The following GABRG3 variants were observed in gnomAD, a reference collection of about 807,000 sequenced individuals.
GABRG3 encodes gamma-aminobutyric acid type A receptor subunit gamma3.
A neutral mutation model predicts 48.8 loss-of-function variants in GABRG3; 25 were observed. The observed-to-expected ratio is 0.51, with a 90% CI of 0.37 to 0.72. The LOEUF (loss-of-function observed/expected upper bound fraction) is 0.72. GABRG3 is among the 30% of genes least tolerant of loss of function. The pLI, the probability that GABRG3 is intolerant of heterozygous loss-of-function variation, is 0.00. For missense variants in GABRG3, 394 were observed against 577.9 expected (o/e 0.68, Z 3.26); for synonymous variants, 227 against 217.6 (o/e 1.04, Z -0.38).
At chr15:27,503,002 A>G (rs1890679237) in intron 6 of GABRG3, among the ~76,000 whole-genome samples, 1 of 152,166 alleles carries the variant, frequency 6.6e-6, no homozygotes, top group Non-Finnish European at 1.5e-5. Flanking sequence ...ACTTTATTAC[A>G]TAGGCATGGC....
chr15:27,468,194 A>G (rs578071123), intron 5 of GABRG3, among the ~76,000 whole-genome samples: 1 of 152,354 alleles, frequency 6.6e-6, no homozygotes, highest in South Asian at 2.1e-4. Context: ...TACAGTGAAA[A>G]TACAGAGATT....
At chr15:27,340,877 C>A in intron 5 of GABRG3, 1 of 362,736 alleles carries the variant, frequency 2.8e-6, no homozygotes, top group Admixed American at 3.2e-5. Flanking sequence ...TATGCTACAT[C>A]TTTCATGGTT....
At chr15:27,430,854 G>T (rs1888427063) in intron 5 of GABRG3, among the ~76,000 whole-genome samples, 1 of 152,008 alleles carries the variant, frequency 6.6e-6, no homozygotes, top group Non-Finnish European at 1.5e-5. Flanking sequence ...GCTGGGTGTG[G>T]TGGCAGGCGC....
intron 5 of GABRG3, among the ~76,000 whole-genome samples, chr15:27,442,681 T>G (rs1888826734): frequency 6.6e-6 from 1 of 152,246 alleles, no homozygotes; most frequent in African/African-American, 2.4e-5. Flanking sequence ...GTCTTCTAGT[T>G]TTCTTCCTCC....
In GABRG3 at chr15:27,214,486, T is replaced by C. The variant is rs571943337; in HGVS notation, c.271-112323T>C. Among the ~76,000 whole-genome samples the C allele has an allele frequency of 6.6e-5, 10 of 152,234 alleles. No individual in the cohort carries two copies. The East Asian group carries it at 1.9e-3, about 30-fold the overall frequency. ...AGGGCGATAGCCTCTGACTTAACTT[T>C]TCAGTTTTGGGTAAGCTACGTATGA... On this transcript the variant is annotated intron_variant, in intron 3 of 9. Transcript: ENST00000615808.
intron 5 of GABRG3, among the ~76,000 whole-genome samples, chr15:27,451,701 AC>A (rs1334809226): frequency 2.0e-5 from 3 of 152,220 alleles, no homozygotes; most frequent in African/African-American, 7.2e-5. Flanking sequence ...ATTATATCAA[AC>A]TAAAAACCTG....
chr15:27,211,726 T>C (rs572895674), intron 3 of GABRG3, among the ~76,000 whole-genome samples: 52 of 152,354 alleles, frequency 3.4e-4, no homozygotes, highest in Non-Finnish European at 5.3e-4. Flanking sequence ...TCCACCTCTC[T>C]GTGGAGCCAG....
rs1896073376 is a variant in GABRG3, at chr15:27,388,274, GGTA to G, written c.574+59387_574+59389del. ...GGAAGGAAGGAAAGGAGGGAGGGAGGGTAAGGAAGGAAGGAAGAAAAGAAGGAA... is the reference window on the plus strand; with the variant it reads ...GGAAGGAAGGAAAGGAGGGAGGGAGGAGGAAGGAAGGAAGAAAAGAAGGAA... On this transcript the variant is annotated intron_variant, in intron 5 of 9. Transcript: ENST00000615808. Among the ~76,000 whole-genome samples, 8 of 58,720 alleles carry G rather than the reference GGTA, an allele frequency of 1.4e-4. 2 individuals are homozygous for G. The highest frequency in any genetic ancestry group is 1.7e-3 in the East Asian group (2 of 1,162). The allele number at this position is 58,720 out of a possible 152,430, so 38.5% of individuals were successfully genotyped here.
chr15:27,226,638 A>G (rs1041796285), intron 3 of GABRG3, among the ~76,000 whole-genome samples: 5 of 151,702 alleles, frequency 3.3e-5, no homozygotes, highest in Non-Finnish European at 7.3e-5. Flanking sequence ...TCCCCCAGCA[A>G]ACGGGCACTA....
At chr15:27,166,876 G>T (rs1319278732) in intron 3 of GABRG3, among the ~76,000 whole-genome samples, 3 of 152,116 alleles carry the variant, frequency 2.0e-5, no homozygotes, top group African/African-American at 7.2e-5. Context: ...TGTCTCTTCT[G>T]GCCTGAAACC....
At chr15:26,979,784 T>C (rs1414566271) in intron 2 of GABRG3, among the ~76,000 whole-genome samples, 2 of 150,908 alleles carry the variant, frequency 1.3e-5, no homozygotes, top group African/African-American at 5.0e-5. Context: ...TTTGTTAATA[T>C]TTTGTTAAGG....
At position 27,270,913 on chromosome 15, in the gene GABRG3, A is replaced by C. The variant is rs192805857; in HGVS notation, c.271-55896A>C. ...AAAAGGTGATGCACCATGATTCACT[A>C]TCCAGGACCAAACATTATAAGGGGA... On this transcript the variant is annotated intron_variant, in intron 3 of 9. Transcript: ENST00000615808. 4.8e-3 allele frequency among the ~76,000 whole-genome samples: 727 copies of C among 152,302 alleles called. 9 individuals carry two copies. Among genetic ancestry groups the C allele is most frequent in the African/African-American group, 0.017 (689 of 41,562 alleles).
Position 27,441,130 on chromosome 15 carries a change from G to A in GABRG3, c.575-39520G>A, listed in dbSNP as rs540566172. ...TATACAAAGGTACAGCAAAAAATAG[G>A]GCAGATACTTCTAATTTGTCTTGAG... On this transcript the variant is annotated intron_variant, in intron 5 of 9. Transcript: ENST00000615808. Among the ~76,000 whole-genome samples the A allele has an allele frequency of 3.9e-5, 6 of 152,190 alleles. No individual in the cohort carries two copies. In the East Asian group the frequency reaches 1.2e-3, roughly 29 times the overall value.
chr15:27,400,635 C>T (rs997615611), intron 5 of GABRG3, among the ~76,000 whole-genome samples: 10 of 152,132 alleles, frequency 6.6e-5, no homozygotes, highest in African/African-American at 2.2e-4. Context: ...AGCTGTATAA[C>T]CCCATTATTC....
At chr15:27,385,646 A>T (rs1895899928) in intron 5 of GABRG3, among the ~76,000 whole-genome samples, 1 of 152,090 alleles carries the variant, frequency 6.6e-6, no homozygotes, top group Non-Finnish European at 1.5e-5. Flanking sequence ...ATCAGCTCAA[A>T]TCTGCTGTTG....
intron 3 of GABRG3, among the ~76,000 whole-genome samples, chr15:27,190,816 G>T (rs1024333598): frequency 2.6e-5 from 4 of 152,040 alleles, no homozygotes; most frequent in African/African-American, 9.7e-5. Flanking sequence ...TAATTGTGAT[G>T]TTAGGGTGTC....
At chr15:27,383,014 T>G (rs988456477) in intron 5 of GABRG3, among the ~76,000 whole-genome samples, 2 of 152,122 alleles carry the variant, frequency 1.3e-5, no homozygotes, top group African/African-American at 4.8e-5. Context: ...TTTTACAGCC[T>G]TGAACTGGAT....
chr15:27,158,548 T>G (rs774446070), intron 3 of GABRG3, among the ~76,000 whole-genome samples: 9 of 152,220 alleles, frequency 5.9e-5, no homozygotes, highest in Non-Finnish European at 1.0e-4. Context: ...TAGCAGTAAT[T>G]AAAAGGAATT....
At chr15:27,167,041 G>A (rs911502250) in intron 3 of GABRG3, among the ~76,000 whole-genome samples, 1 of 152,102 alleles carries the variant, frequency 6.6e-6, no homozygotes, top group African/African-American at 2.4e-5. Context: ...TACTTCTTTA[G>A]CTATCAGCCC....
Sources: gnomAD v4.1 joint callset for allele counts (sites outside exome capture counted in the v4.1 genomes callset) on GRCh38, gnomAD v4.1.1 for gene constraint, MANE v1.5 for transcripts, NCBI Gene and HGNC (gene_info 2026-07-23, HGNC 2026-07-21) for gene names.